The following ADAM18 variants were observed in gnomAD, a reference collection of about 807,000 sequenced individuals.
The protein encoded by ADAM18 is disintegrin and metalloproteinase domain-containing protein 18.
In ADAM18, 117 loss-of-function variants were observed where a neutral mutation model predicts 94.4. That is an observed-to-expected ratio of 1.24 (90% CI 1.07 to 1.45). The LOEUF is 1.45. ADAM18 is among the 40% of genes most tolerant of loss of function. The probability of loss-of-function intolerance (pLI) is 0.00; values close to 1 mark genes in which losing one functional copy is unlikely to be tolerated. For missense variants in ADAM18, 936 were observed against 880.0 expected, an observed-to-expected ratio of 1.06 and a Z score of -0.81; for synonymous variants, 327 against 291.6, an observed-to-expected ratio of 1.12 and a Z score of -1.24.
intron 18 of ADAM18, among the ~76,000 whole-genome samples, chr8:39,707,843 A>T (rs1399360276): frequency 6.6e-6 from 1 of 152,136 alleles, no homozygotes; most frequent in East Asian, 1.9e-4. Flanking sequence ...AAGAGTATTC[A>T]CCCTTTTCCT....
chr8:39,599,189 C>T (rs539080475), intron 2 of ADAM18, among the ~76,000 whole-genome samples: 1 of 152,278 alleles, frequency 6.6e-6, no homozygotes, highest in East Asian at 1.9e-4. Flanking sequence ...GTGATGATTA[C>T]ATGAATTGAT....
chr8:39,592,205 G>A (rs889959206), intron 2 of ADAM18, among the ~76,000 whole-genome samples: 1 of 152,152 alleles, frequency 6.6e-6, no homozygotes, highest in African/African-American at 2.4e-5. Flanking sequence ...GTCACCAGCT[G>A]TAATAAGCAT....
chr8:39,726,847 A>T (rs1480222814), intron 19 of ADAM18, among the ~76,000 whole-genome samples: 1 of 152,184 alleles, frequency 6.6e-6, no homozygotes, highest in Non-Finnish European at 1.5e-5. Flanking sequence ...CATAAATTTT[A>T]TTTGACAACC....
intron 2 of ADAM18, among the ~76,000 whole-genome samples, chr8:39,603,731 T>A (rs993776817): frequency 6.6e-6 from 1 of 152,256 alleles, no homozygotes; most frequent in African/African-American, 2.4e-5. Context: ...GCACATTAAA[T>A]GATAATACTT....
At chr8:39,719,207 A>C (rs1563320129) in intron 18 of ADAM18, among the ~76,000 whole-genome samples, 1 of 151,474 alleles carries the variant, frequency 6.6e-6, no homozygotes, top group Non-Finnish European at 1.5e-5. Flanking sequence ...ATGGATTTCT[A>C]ATAAATGTTC....
chr8:39,598,467 A>T (rs978811523), intron 2 of ADAM18, among the ~76,000 whole-genome samples: 2 of 151,988 alleles, frequency 1.3e-5, no homozygotes, highest in Non-Finnish European at 2.9e-5. Flanking sequence ...CATCGTTATT[A>T]TTATTCAAAG....
chr8:39,677,251 C>T (rs1376395591), intron 14 of ADAM18, among the ~76,000 whole-genome samples, 180 bp from the exon 15 acceptor site: 1 of 152,116 alleles, frequency 6.6e-6, no homozygotes, highest in African/African-American at 2.4e-5. Flanking sequence ...TAATCATTTT[C>T]TGTGTGTGTA....
At chr8:39,679,894 C>G (rs1821396446) in intron 15 of ADAM18, 143 bp from the exon 16 acceptor site, 1 of 723,826 alleles carries the variant, frequency 1.4e-6, no homozygotes, top group Non-Finnish European at 2.3e-6. Context: ...AGTTGTTGTG[C>G]ACCATAAAAT....
intron 10 of ADAM18, among the ~76,000 whole-genome samples, chr8:39,642,324 ATC>A (rs1308761143): frequency 6.6e-6 from 1 of 151,954 alleles, no homozygotes; most frequent in Non-Finnish European, 1.5e-5. Context: ...TCATAATGAA[ATC>A]TCTGCCCCTG....
chr8:39,626,740 A>G (rs751001902), intron 6 of ADAM18, among the ~76,000 whole-genome samples: 41 of 152,128 alleles, frequency 2.7e-4, no homozygotes, highest in Non-Finnish European at 3.4e-4. Context: ...GTTGATTTTT[A>G]GTTTTACTCC....
intron 14 of ADAM18, among the ~76,000 whole-genome samples, chr8:39,675,271 G>C (rs1032878277): frequency 6.6e-6 from 1 of 152,172 alleles, no homozygotes; most frequent in East Asian, 1.9e-4. Flanking sequence ...ATCAAATGTA[G>C]ATTTGGTCTT....
At chr8:39,681,552 G>A (rs1821459144) in intron 16 of ADAM18, among the ~76,000 whole-genome samples, 3 of 152,298 alleles carry the variant, frequency 2.0e-5, no homozygotes, top group South Asian at 2.1e-4. Flanking sequence ...GAAAACTGAT[G>A]CAGATTTGAT....
At chr8:39,698,517 G>A (rs1821984889) in intron 17 of ADAM18, among the ~76,000 whole-genome samples, 1 of 151,990 alleles carries the variant, frequency 6.6e-6, no homozygotes, top group Admixed American at 6.6e-5. Flanking sequence ...CTTGGTGTGT[G>A]AGAAAATACC....
At chr8:39,645,139 C>T (rs1585932852) in intron 10 of ADAM18, among the ~76,000 whole-genome samples, 199 bp from the exon 11 acceptor site, 2 of 152,130 alleles carry the variant, frequency 1.3e-5, no homozygotes, top group Non-Finnish European at 2.9e-5. Flanking sequence ...CAGAGACTAT[C>T]ATAGTTTGAT....
At chr8:39,646,965 A>T (rs1408183326) in intron 11 of ADAM18, among the ~76,000 whole-genome samples, 1 of 152,174 alleles carries the variant, frequency 6.6e-6, no homozygotes, top group Non-Finnish European at 1.5e-5. Context: ...ACATTTGAGC[A>T]GACATCTGAC....
chr8:39,603,508 A>G (rs561069996), intron 2 of ADAM18, among the ~76,000 whole-genome samples: 45 of 152,330 alleles, frequency 3.0e-4, no homozygotes, highest in African/African-American at 1.1e-3. Flanking sequence ...AAGGTTGAAC[A>G]TTTATAGACA....
rs1444503563 is a variant in ADAM18, at chr8:39,654,153, C to G, written c.1230+5626C>G. Reference sequence around the variant, plus strand: ...TTGCTGCCACTGACAGGATTTCATTCCTTTTTTTTTTTTTTTTTTTTGGAG... The same window carrying G: ...TTGCTGCCACTGACAGGATTTCATTGCTTTTTTTTTTTTTTTTTTTTGGAG... On this transcript the variant is annotated intron_variant, in intron 12 of 19. Transcript: ENST00000265707. Among the ~76,000 whole-genome samples, 6 of 118,768 alleles carry G rather than the reference C, an allele frequency of 5.1e-5. 1 individual carries two copies. The highest frequency in any genetic ancestry group is 2.1e-4 in the African/African-American group (6 of 29,250). The allele number at this position is 118,768 out of a possible 152,430, so 77.9% of individuals were successfully genotyped here. A position where few individuals can be genotyped will look rare whatever the true frequency, so the allele number is the denominator to read the frequency against.
At chr8:39,675,472 T>G (rs1434456342) in intron 14 of ADAM18, among the ~76,000 whole-genome samples, 1 of 152,170 alleles carries the variant, frequency 6.6e-6, no homozygotes, top group Non-Finnish European at 1.5e-5. Context: ...TTCAGCTCCA[T>G]CAGGTCATTT....
At chr8:39,653,403 A>T (rs975793766) in intron 12 of ADAM18, among the ~76,000 whole-genome samples, 10 of 152,230 alleles carry the variant, frequency 6.6e-5, no homozygotes, top group Non-Finnish European at 1.2e-4. Context: ...CATGTACATT[A>T]TATAAGTAAA....
Sources: allele counts gnomAD v4.1 joint callset (sites outside exome capture counted in the v4.1 genomes callset), GRCh38; gene constraint gnomAD v4.1.1; transcripts MANE v1.5; gene names NCBI Gene and HGNC (gene_info 2026-07-23, HGNC 2026-07-21).